The following CTNND2 variants were observed in gnomAD, a reference collection of about 807,000 sequenced individuals.
CTNND2 encodes the protein catenin delta-2.
CTNND2 carries 22 observed loss-of-function variants against 144.4 expected under a neutral mutation model. That is an observed-to-expected ratio of 0.15 (90% CI 0.11 to 0.22). CTNND2 has a LOEUF of 0.22. Ranked by LOEUF, CTNND2 falls within the 10% of genes least tolerant of loss-of-function variation. The pLI, the probability that CTNND2 is intolerant of heterozygous loss-of-function variation, is 1.00. For synonymous variants in CTNND2, 751 were observed against 695.6 expected (o/e 1.08, Z -1.25); for missense variants, 1,353 against 1,618.8 (o/e 0.84, Z 2.82).
rs1035919736 is a variant in CTNND2, at chr5:11,589,228, G to A, written c.175-24172C>T. 4.0e-5 allele frequency among the ~76,000 whole-genome samples: 6 copies of A among 150,670 alleles called. No homozygotes were observed. In the East Asian group the frequency reaches 5.9e-4, roughly 15 times the overall value. On this transcript the variant is annotated intron_variant, in intron 2 of 21. Transcript: ENST00000304623. The stretch of plus-strand genomic sequence containing the variant: ...GCAAATTCTAGTTTTCTAATCTTCC[G>A]TTCCTTTGCTTTGAATGTATCTGGA...
chr5:11,364,803 G>C lies in CTNND2; in HGVS notation c.1265C>G (p.Pro422Arg). The change falls in exon 8 of 22, where the codon CCC becomes CGC. Residue 422 changes from proline (P) to arginine (R), a missense_variant. Physicochemically the swap from Pro to Arg is moderately radical, Grantham distance 103. Coordinates refer to ENST00000304623, the MANE Select transcript of CTNND2 (RefSeq NM_001332.4). The part of the protein sequence containing the change: ...ALQSPEHHID[P>R]IYEDRVYQKP... The stretch of plus-strand genomic sequence containing the variant: ...CTGATAGACGCGGTCTTCATAGATG[G>C]GATCTATGTGGTGTTCTGGGGACTG... 1 of 1,613,514 alleles carries C rather than the reference G, an allele frequency of 6.2e-7. No individual in the cohort carries two copies. The highest frequency in any genetic ancestry group is 1.1e-5 in the South Asian group (1 of 91,030).
intron 3 of CTNND2, among the ~76,000 whole-genome samples, chr5:11,503,126 G>A (rs1267202795): frequency 1.3e-5 from 2 of 152,238 alleles, no homozygotes; most frequent in Non-Finnish European, 1.5e-5. Context: ...GGGTCAGCTC[G>A]CATCTGCCCT....
chr5:11,429,552 A>G (rs1763090857), intron 3 of CTNND2, among the ~76,000 whole-genome samples: 1 of 152,194 alleles, frequency 6.6e-6, no homozygotes, highest in Non-Finnish European at 1.5e-5. Flanking sequence ...TAATCTGGCT[A>G]GAGAGGAACT....
chr5:11,102,876 T>A (rs1580291531), intron 14 of CTNND2, among the ~76,000 whole-genome samples: 2 of 151,976 alleles, frequency 1.3e-5, no homozygotes, highest in East Asian at 3.8e-4. Flanking sequence ...GTGCTCAATG[T>A]GTATGTTACA....
At chr5:11,754,531 A>G (rs1479953324) in intron 1 of CTNND2, among the ~76,000 whole-genome samples, 1 of 151,316 alleles carries the variant, frequency 6.6e-6, no homozygotes, top group Non-Finnish European at 1.5e-5. Context: ...TTCTTCTCTG[A>G]TGATCTAATA....
intron 16 of CTNND2, among the ~76,000 whole-genome samples, chr5:11,075,721 T>A (rs1478474092): frequency 6.6e-6 from 1 of 152,260 alleles, no homozygotes; most frequent in Non-Finnish European, 1.5e-5. Context: ...CAGGAACCTT[T>A]GGCAGTGATT....
intron 2 of CTNND2, among the ~76,000 whole-genome samples, chr5:11,726,888 T>G (rs1787053406): frequency 6.6e-6 from 1 of 152,202 alleles, no homozygotes; most frequent in South Asian, 2.1e-4. Flanking sequence ...ATAAGTGTCC[T>G]GAGAAGAGTT....
chr5:11,429,099 G>C (rs552421300), intron 3 of CTNND2, among the ~76,000 whole-genome samples: 1 of 152,256 alleles, frequency 6.6e-6, no homozygotes, highest in South Asian at 2.1e-4. Flanking sequence ...TGTAGGGAAG[G>C]GGATGGGGGT....
At chr5:11,071,868 T>G (rs748529090) in intron 16 of CTNND2, among the ~76,000 whole-genome samples, 3 of 152,306 alleles carry the variant, frequency 2.0e-5, no homozygotes, top group Non-Finnish European at 2.9e-5. Context: ...GTTTACTCAC[T>G]TGGGATAAAG....
At chr5:11,629,649 T>A (rs1184643847) in intron 2 of CTNND2, among the ~76,000 whole-genome samples, 1 of 152,192 alleles carries the variant, frequency 6.6e-6, no homozygotes, top group Non-Finnish European at 1.5e-5. Context: ...TGTTTATATC[T>A]GAACACAAGT....
intron 2 of CTNND2, among the ~76,000 whole-genome samples, chr5:11,599,018 C>G (rs958699769): frequency 2.0e-5 from 3 of 152,122 alleles, no homozygotes; most frequent in African/African-American, 7.2e-5. Context: ...AGTGAGCAAG[C>G]AGGGAACTGC....
chr5:11,414,367 T>C (rs1761766759), intron 3 of CTNND2, among the ~76,000 whole-genome samples: 1 of 152,172 alleles, frequency 6.6e-6, no homozygotes, highest in Non-Finnish European at 1.5e-5. Flanking sequence ...AAAGTTCTCG[T>C]GTTATGTCCT....
chr5:11,804,199 AACAGTT>A (rs1791870335), intron 1 of CTNND2, among the ~76,000 whole-genome samples: 1 of 152,210 alleles, frequency 6.6e-6, no homozygotes, highest in Non-Finnish European at 1.5e-5. Flanking sequence ...ACCTGACAGT[AACAGTT>A]ACTGTCGAGG....
intron 1 of CTNND2, among the ~76,000 whole-genome samples, chr5:11,826,777 A>G (rs985600656): frequency 6.6e-6 from 1 of 152,084 alleles, no homozygotes; most frequent in Non-Finnish European, 1.5e-5. Flanking sequence ...TCATCAAGAC[A>G]TAAGAATCCA....
intron 15 of CTNND2, among the ~76,000 whole-genome samples, chr5:11,086,189 A>T (rs1444829718): frequency 4.6e-5 from 7 of 152,102 alleles, no homozygotes; most frequent in African/African-American, 1.7e-4. Flanking sequence ...GCCTCTCTGG[A>T]TTAAGGAGAG....
rs984611556 is a variant in CTNND2 at position 11,748,998 on chromosome 5, T to C, written c.38-16726A>G. Among the ~76,000 whole-genome samples the C allele has an allele frequency of 5.3e-5, 8 of 151,954 alleles. No homozygotes were observed. In the South Asian group the frequency reaches 1.7e-3, roughly 31 times the overall value. On this transcript the variant is annotated intron_variant, in intron 1 of 21. Transcript: ENST00000304623. The stretch of plus-strand genomic sequence containing the variant: ...CACTCTGGGGAAGTCAGCTTCCAGG[T>C]AGACAGGATGCTCAAGCAGCCCTAT...
intron 16 of CTNND2, among the ~76,000 whole-genome samples, chr5:11,024,067 T>C (rs1440427108): frequency 6.6e-6 from 1 of 152,222 alleles, no homozygotes; most frequent in East Asian, 1.9e-4. Context: ...TTCACCTCCA[T>C]GTACATATCT....
Position 11,384,778 on chromosome 5 carries a change from G to A in CTNND2, c.1064C>T (p.Thr355Met). The A allele has an allele frequency of 6.2e-7, 1 of 1,613,198 alleles. No homozygotes were observed. Among genetic ancestry groups the A allele is most frequent in the Non-Finnish European group, 8.5e-7 (1 of 1,179,706 alleles). ...CTTGGTGGGCGACAGGGTGGCGTAC[G>A]TGCCGATGGTGGAGCTCAGCTGGTG... ...PIHQLSSTIG[T>M]YATLSPTKRL... is the part of the protein sequence containing the mutation. Residue 355 changes from threonine to methionine, a missense_variant, in exon 7 of 22, where the codon ACG (threonine) becomes ATG (methionine). Thr to Met is a moderately conservative substitution (Grantham distance 81). Transcript: ENST00000304623. The surrounding 1 kb of genome is among the most constrained non-coding windows in gnomAD (Gnocchi z 5.2).
chr5:11,263,894 T>C (rs867417328), intron 9 of CTNND2, among the ~76,000 whole-genome samples: 1 of 152,208 alleles, frequency 6.6e-6, no homozygotes, highest in Non-Finnish European at 1.5e-5. Context: ...GTGGTGTGAA[T>C]AGCTCAGATG....
Sources: gnomAD v4.1 joint callset for allele counts (sites outside exome capture counted in the v4.1 genomes callset) on GRCh38, gnomAD v4.1.1 for gene constraint, Gnocchi (gnomAD v3.1) non-coding constraint, MANE v1.5 for transcripts, NCBI Gene and HGNC (gene_info 2026-07-23, HGNC 2026-07-21) for gene names.